The following ANKRD31 variants were observed in gnomAD, a reference collection of about 807,000 sequenced individuals.
The protein encoded by ANKRD31 is ankyrin repeat domain 31, also known as ankyrin repeat domain-containing protein 31.
In ANKRD31, 147 loss-of-function variants were observed where a neutral mutation model predicts 186.0. The ratio of observed to expected loss-of-function variants is 0.79; its 90% CI spans 0.69 to 0.91. ANKRD31 has a LOEUF of 0.91. Among genes scored for constraint, ANKRD31 ranks in the 40% least tolerant of loss-of-function variants. The pLI, the probability that ANKRD31 is intolerant of heterozygous loss-of-function variation, is 0.00. For synonymous variants in ANKRD31, 673 were observed against 736.4 expected (o/e 0.91, Z 1.39); for missense variants, 1,986 against 2,148.8 (o/e 0.92, Z 1.50).
intron 12 of ANKRD31, 139 bp downstream of exon 12, chr5:75,154,062 C>T: frequency 1.2e-6 from 1 of 822,142 alleles, no homozygotes; most frequent in Non-Finnish European, 1.7e-6. Context: ...GATTTATTAA[C>T]AGAATGAAGA....
chr5:75,169,281 G>A (rs756763982), intron 10 of ANKRD31, 160 bp from the exon 11 acceptor site: 133 of 842,852 alleles, frequency 1.6e-4, no homozygotes, highest in Non-Finnish European at 2.3e-4. Flanking sequence ...GTATTATTTG[G>A]TAGGTTCAAT....
At chr5:75,132,540 A>G (rs1024091293) in intron 17 of ANKRD31, among the ~76,000 whole-genome samples, 4 of 152,204 alleles carry the variant, frequency 2.6e-5, no homozygotes, top group Non-Finnish European at 4.4e-5. Flanking sequence ...TATACATCTG[A>G]TCGGTGTACC....
At chr5:75,133,186 C>T (rs1750025009) in intron 17 of ANKRD31, among the ~76,000 whole-genome samples, 1 of 152,138 alleles carries the variant, frequency 6.6e-6, no homozygotes, top group Non-Finnish European at 1.5e-5. Context: ...TGTAAATGAG[C>T]TAACTGCTCC....
chr5:75,179,122 T>A (rs936661504), intron 10 of ANKRD31, among the ~76,000 whole-genome samples: 7 of 152,170 alleles, frequency 4.6e-5, no homozygotes, highest in South Asian at 2.1e-4. Flanking sequence ...GCAAATAAAC[T>A]AGAAAATCTA....
Position 75,147,153 on chromosome 5 carries a change from A to C in ANKRD31, c.2258T>G (p.Val753Gly). 6.5e-7 allele frequency: 1 copy of C among 1,536,282 alleles called. No individual in the cohort carries two copies. Among genetic ancestry groups the C allele is most frequent in the South Asian group, 1.2e-5 (1 of 84,026 alleles). The change falls in exon 14 of 26, where the codon GTC becomes GGC. Residue 753 changes from valine (V) to glycine (G), a missense_variant. Val to Gly is a moderately radical substitution (Grantham distance 109). Coordinates refer to ENST00000506364, the MANE Select transcript of ANKRD31 (RefSeq NM_001372053.1). ...VDCNPRKILAVSPSRRINRLV... is the reference protein window; with the variant it reads ...VDCNPRKILAGSPSRRINRLV... ...TCTGTTTATTCTCCTGGAAGGAGAG[A>C]CAGCTAGTATCTTTCTTGGATTACA...
intron 3 of ANKRD31, among the ~76,000 whole-genome samples, chr5:75,218,756 G>A (rs1245206521): frequency 6.6e-6 from 1 of 152,122 alleles, no homozygotes; most frequent in Non-Finnish European, 1.5e-5. Context: ...AATTCACCAG[G>A]ATCAAGCAGG....
chr5:75,072,998 G>A (rs916535959), intron 25 of ANKRD31, among the ~76,000 whole-genome samples: 3 of 152,150 alleles, frequency 2.0e-5, no homozygotes, highest in African/African-American at 7.2e-5. Flanking sequence ...GATTGTTTTA[G>A]GAACTTTTCA....
intron 11 of ANKRD31, among the ~76,000 whole-genome samples, chr5:75,166,951 TA>T (rs1358805409): frequency 6.6e-6 from 1 of 152,206 alleles, no homozygotes; most frequent in East Asian, 1.9e-4. Flanking sequence ...CCACACAGTC[TA>T]CCTATTTAAA....
At chr5:75,167,138 A>G (rs1752981767) in intron 11 of ANKRD31, among the ~76,000 whole-genome samples, 1 of 151,472 alleles carries the variant, frequency 6.6e-6, no homozygotes, top group African/African-American at 2.4e-5. Context: ...TTTGACTATT[A>G]CGGATATTTC....
chr5:75,109,306 G>C (rs570543985), intron 20 of ANKRD31, among the ~76,000 whole-genome samples: 1 of 152,286 alleles, frequency 6.6e-6, no homozygotes, highest in African/African-American at 2.4e-5. Context: ...ACAACTGATA[G>C]AAAAGTGAGT....
At chr5:75,169,718 G>T (rs1025218572) in intron 10 of ANKRD31, among the ~76,000 whole-genome samples, 7 of 152,170 alleles carry the variant, frequency 4.6e-5, no homozygotes, top group African/African-American at 1.7e-4. Context: ...TATGACAGAT[G>T]TAAGAAAACT....
chr5:75,121,011 C>T (rs972703805), intron 17 of ANKRD31, among the ~76,000 whole-genome samples: 3 of 152,084 alleles, frequency 2.0e-5, no homozygotes, highest in Middle Eastern at 3.4e-3. Flanking sequence ...GGTAAAACCC[C>T]GTCTCTACTA....
chr5:75,125,674 T>C (rs913964561), intron 17 of ANKRD31, among the ~76,000 whole-genome samples: 5 of 152,194 alleles, frequency 3.3e-5, no homozygotes, highest in Admixed American at 6.5e-5. Context: ...ATATATTAAT[T>C]TGGAGAACAC....
chr5:75,168,377 C>T (rs1753073446), intron 11 of ANKRD31, among the ~76,000 whole-genome samples: 1 of 152,118 alleles, frequency 6.6e-6, no homozygotes, highest in South Asian at 2.1e-4. Context: ...GCAATGTTGT[C>T]CCAGGGCCAG....
chr5:75,138,197 T>A (rs1332411384), intron 16 of ANKRD31, among the ~76,000 whole-genome samples, 199 bp from the exon 17 acceptor site: 2 of 152,154 alleles, frequency 1.3e-5, no homozygotes, highest in African/African-American at 2.4e-5. Flanking sequence ...ATTGGTCTCA[T>A]CACAAATATT....
intron 10 of ANKRD31, among the ~76,000 whole-genome samples, chr5:75,178,579 C>T (rs1580495271): frequency 1.3e-5 from 2 of 152,150 alleles, no homozygotes; most frequent in African/African-American, 4.8e-5. Context: ...GATTAAGAAA[C>T]TCACTCAAAA....
chr5:75,101,755 G>A (rs534768808), intron 22 of ANKRD31, among the ~76,000 whole-genome samples: 8 of 152,076 alleles, frequency 5.3e-5, no homozygotes, highest in Non-Finnish European at 7.3e-5. Context: ...CGTAGTTCTC[G>A]TGCCATGGTT....
At chr5:75,126,918 C>T (rs1749300766) in intron 17 of ANKRD31, among the ~76,000 whole-genome samples, 1 of 152,118 alleles carries the variant, frequency 6.6e-6, no homozygotes, top group African/African-American at 2.4e-5. Context: ...TGCCTTTGCA[C>T]CATTGTTAAA....
intron 11 of ANKRD31, among the ~76,000 whole-genome samples, chr5:75,164,714 T>G (rs1752804164): frequency 6.6e-6 from 1 of 152,198 alleles, no homozygotes; most frequent in South Asian, 2.1e-4. Context: ...ATCCTGAATT[T>G]GACACAAAAC....
Sources: gnomAD v4.1 joint callset for allele counts (sites outside exome capture counted in the v4.1 genomes callset) on GRCh38, gnomAD v4.1.1 for gene constraint, MANE v1.5 for transcripts, NCBI Gene and HGNC (gene_info 2026-07-23, HGNC 2026-07-21) for gene names.